The following USP34 variants were observed in gnomAD, a reference collection of about 807,000 sequenced individuals.
USP34 encodes ubiquitin specific peptidase 34.
USP34 carries 70 observed loss-of-function variants against 460.3 expected under a neutral mutation model. The observed-to-expected ratio is 0.15, with a 90% CI of 0.13 to 0.19. The LOEUF is 0.19. USP34 is among the 10% of genes least tolerant of loss of function. USP34 has a pLI of 1.00. For missense variants in USP34, 3,985 were observed against 4,236.2 expected (o/e 0.94, Z 1.65); for synonymous variants, 1,647 against 1,405.3 (o/e 1.17, Z -3.85).
intron 2 of USP34, among the ~76,000 whole-genome samples, chr2:61,420,368 C>T (rs368862165): frequency 1.5e-3 from 224 of 152,152 alleles, no homozygotes; most frequent in Non-Finnish European, 2.8e-3. Flanking sequence ...ATTATAGAAA[C>T]GGAACAGATA....
In USP34 at chr2:61,188,511, G is replaced by C; in HGVS notation, c.10232C>G (p.Ser3411Cys). The C allele has an allele frequency of 6.2e-7, 1 of 1,614,170 alleles. No individual in the cohort carries two copies. Among genetic ancestry groups the C allele is most frequent in the Non-Finnish European group, 8.5e-7 (1 of 1,180,026 alleles). Residue 3411 changes from serine (S) to cysteine (C), a missense_variant, in exon 80 of 80, where the codon TCT becomes TGT. By Grantham distance (112) the Ser-to-Cys change is moderately radical (BLOSUM62 -1). Around this residue, in one of 14 missense-constraint regions of USP34, gnomAD observed 506 missense variants for 439.0 expected, o/e 1.15. Coordinates refer to ENST00000398571, the MANE Select transcript of USP34 (RefSeq NM_014709.4). ...AACTTCCATTCGGTATTCTTTAACA[G>C]AACTATTTTCAGGGGAAGGAAGATC... ...EQDLPSPENS[S>C]VKEYRMEVPS...
rs190365739 is a variant in USP34, at chr2:61,310,668, C to A, written c.3817+872G>T. Among the ~76,000 whole-genome samples, 268 of 150,008 alleles carry A rather than the reference C, an allele frequency of 1.8e-3. 1 individual carries two copies. The highest frequency in any genetic ancestry group is 3.0e-3 in the Non-Finnish European group (204 of 67,514). ...AAAAGATATCAGAAATATATATATA[C>A]ACATATACATATACATATATATATA... On this transcript the variant is annotated intron_variant, in intron 27 of 79. Transcript: ENST00000398571.
intron 1 of USP34, among the ~76,000 whole-genome samples, chr2:61,442,898 TACACACACACACACACACACACAC>T (rs58151221): frequency 6.8e-6 from 1 of 147,202 alleles, no homozygotes; most frequent in African/African-American, 2.5e-5. Context: ...GTGATGTGTG[TACACACACACACACACACACACAC>T]ACACACACAC....
At chr2:61,414,897 G>A (rs1408418543) in intron 2 of USP34, among the ~76,000 whole-genome samples, 6 of 152,240 alleles carry the variant, frequency 3.9e-5, no homozygotes, top group Admixed American at 2.0e-4. Flanking sequence ...TGGAAAGTGG[G>A]ACCAGTCAGA....
At chr2:61,446,575 C>A (rs1024140166) in intron 1 of USP34, among the ~76,000 whole-genome samples, 1 of 152,038 alleles carries the variant, frequency 6.6e-6, no homozygotes, top group Non-Finnish European at 1.5e-5. Flanking sequence ...GCGGGCAGAT[C>A]ACTTAAAGTC....
intron 8 of USP34, among the ~76,000 whole-genome samples, chr2:61,372,813 T>C (rs962099751): frequency 1.3e-5 from 2 of 152,094 alleles, no homozygotes; most frequent in East Asian, 3.9e-4. Context: ...AAAACATACA[T>C]GCAATGGGGG....
At chr2:61,298,369 A>AT (rs1690100893) in intron 29 of USP34, among the ~76,000 whole-genome samples, 2 of 141,040 alleles carry the variant, frequency 1.4e-5, no homozygotes, top group African/African-American at 5.4e-5. Context: ...AAATACAAAA[A>AT]AAAAAAAAAA....
intron 1 of USP34, among the ~76,000 whole-genome samples, chr2:61,424,214 T>A (rs1694443825): frequency 2.0e-5 from 3 of 152,148 alleles, no homozygotes; most frequent in African/African-American, 7.2e-5. Context: ...TGTATAAATA[T>A]CCCATTGCTC....
At chr2:61,353,137 T>C (rs1163237931) in intron 10 of USP34, among the ~76,000 whole-genome samples, 1 of 152,206 alleles carries the variant, frequency 6.6e-6, no homozygotes, top group Admixed American at 6.5e-5. Context: ...GTACAGCTTC[T>C]GGAGACAGGT....
At position 61,188,956 on chromosome 2, in the gene USP34, C is replaced by G. The variant is rs771351711; in HGVS notation, c.9987G>C (p.Gln3329His). ...LLSKCRTCLQ[Q>H]RNSLQEQEAK... ...CTTCTTGCTCTTGGAGTGAGTTTCT[C>G]TGTTGCAGACAAGTCCTGCATTTGC... is the stretch of plus-strand genomic sequence containing the variant. The change falls in exon 79 of 80, where the codon CAG becomes CAC. Residue 3329 changes from glutamine (Q) to histidine (H), a missense_variant. Physicochemically the swap from Gln to His is conservative, Grantham distance 24 (BLOSUM62 0). Coordinates refer to ENST00000398571, the MANE Select transcript of USP34 (RefSeq NM_014709.4). The G allele has an allele frequency of 6.2e-7, 1 of 1,614,158 alleles. No individual in the cohort carries two copies. The highest frequency in any genetic ancestry group is 8.5e-7 in the Non-Finnish European group (1 of 1,180,024).
chr2:61,422,948 C>A (rs1304665944), intron 1 of USP34, among the ~76,000 whole-genome samples: 1 of 151,702 alleles, frequency 6.6e-6, no homozygotes, highest in African/African-American at 2.4e-5. Context: ...TGAAGTGAGC[C>A]GAAAAAAATC....
intron 53 of USP34, among the ~76,000 whole-genome samples, chr2:61,236,975 G>C (rs1688087782): frequency 6.6e-6 from 1 of 152,080 alleles, no homozygotes; most frequent in Non-Finnish European, 1.5e-5. Flanking sequence ...TTATACTTCT[G>C]ATTTTATTTT....
intron 10 of USP34, among the ~76,000 whole-genome samples, chr2:61,368,126 C>CAAT (rs1307959749): frequency 6.6e-6 from 1 of 152,096 alleles, no homozygotes; most frequent in Non-Finnish European, 1.5e-5. Flanking sequence ...CCACCATGGA[C>CAAT]AATATGTAAA....
In USP34 at chr2:61,385,686, A is replaced by AAAG. The variant is rs1395097165; in HGVS notation, c.754-2351_754-2350insCTT. On this transcript the variant is annotated intron_variant, in intron 5 of 79. Transcript: ENST00000398571. ...GACTCTGTCTCAAAAAAAAAAAAAAAAAAAAAAAGAAATACGACAAGGAGA... is the reference window on the plus strand; with the variant it reads ...GACTCTGTCTCAAAAAAAAAAAAAAAAAGAAAAAAAAGAAATACGACAAGGAGA... 8.0e-5 allele frequency among the ~76,000 whole-genome samples: 12 copies of AAAG among 149,402 alleles called. 1 individual carries two copies. The highest frequency in any genetic ancestry group is 2.2e-4 in the African/African-American group (9 of 40,638).
At chr2:61,242,343 T>C (rs1416613678) in intron 51 of USP34, among the ~76,000 whole-genome samples, 4 of 152,056 alleles carry the variant, frequency 2.6e-5, no homozygotes. Flanking sequence ...TTTATGCAGA[T>C]GAAATGGTTT....
intron 1 of USP34, among the ~76,000 whole-genome samples, chr2:61,434,399 A>T (rs1694757436): frequency 6.6e-6 from 1 of 152,110 alleles, no homozygotes; most frequent in African/African-American, 2.4e-5. Context: ...CTGAGAAACC[A>T]TGGGCCACTC....
chr2:61,421,795 A>G (rs561759824), intron 1 of USP34, among the ~76,000 whole-genome samples: 2,623 of 143,528 alleles, frequency 0.018, 57 homozygotes, highest in African/African-American at 0.056. Flanking sequence ...ACACACACAC[A>G]CACGCGCGCG....
intron 3 of USP34, among the ~76,000 whole-genome samples, chr2:61,402,742 A>G (rs1198329848): frequency 3.3e-5 from 5 of 152,204 alleles, no homozygotes; most frequent in Non-Finnish European, 7.4e-5. Context: ...CAGCACAAAG[A>G]AAAGACTAGA....
chr2:61,383,635 C>T (rs1029598431), intron 5 of USP34, among the ~76,000 whole-genome samples: 7 of 150,856 alleles, frequency 4.6e-5, no homozygotes, highest in South Asian at 2.1e-4. Context: ...CCCCCACCCC[C>T]GGGGGGGGCG....
Sources: allele counts gnomAD v4.1 joint callset (sites outside exome capture counted in the v4.1 genomes callset), GRCh38; gene constraint gnomAD v4.1.1; regional missense constraint gnomAD v4.1.1; transcripts MANE v1.5; gene names NCBI Gene and HGNC (gene_info 2026-07-23, HGNC 2026-07-21).